SPIDR: variants seen among roughly 807,000 people sequenced by gnomAD.
SPIDR encodes scaffold protein involved in DNA repair.
SPIDR carries 93 observed loss-of-function variants against 104.6 expected under a neutral mutation model. The observed-to-expected ratio is 0.89, with a 90% CI of 0.75 to 1.06. The LOEUF is 1.06. SPIDR is among the 50% of genes least tolerant of loss of function. SPIDR has a pLI of 0.00. For missense variants in SPIDR, 1,154 were observed against 1,111.2 expected, an observed-to-expected ratio of 1.04 and a Z score of -0.55; for synonymous variants, 431 against 416.9, an observed-to-expected ratio of 1.03 and a Z score of -0.41.
intron 5 of SPIDR, among the ~76,000 whole-genome samples, chr8:47,307,279 G>A (rs1161118553): frequency 1.3e-5 from 2 of 150,712 alleles, no homozygotes; most frequent in African/African-American, 2.4e-5. Flanking sequence ...GGAGTGCAGT[G>A]GCATGATCTT....
At chr8:47,595,348 T>C (rs925701555) in intron 8 of SPIDR, among the ~76,000 whole-genome samples, 3 of 152,246 alleles carry the variant, frequency 2.0e-5, no homozygotes, top group Non-Finnish European at 1.5e-5. Context: ...AATACTTAAA[T>C]GTGAGGTATT....
Position 47,595,952 on chromosome 8 carries a change from T to C in SPIDR, c.1239T>C (p.Ser413=). 6.2e-7 allele frequency: 1 copy of C among 1,614,176 alleles called. No homozygotes were observed. The highest frequency in any genetic ancestry group is 1.3e-5 in the African/African-American group (1 of 75,054). ...PDIPLPRRSI[S]LAQMFVIKGL... is the part of the protein sequence containing the mutation. ...TACCCCTTCCAAGAAGAAGCATCTCTTTGGCCCAGATGTTTGTAATTAAGG... is the reference window on the plus strand; with the variant it reads ...TACCCCTTCCAAGAAGAAGCATCTCCTTGGCCCAGATGTTTGTAATTAAGG... The change falls in exon 9 of 20, where the codon TCT becomes TCC. Residue 413 remains serine (S), a synonymous_variant. Transcript: ENST00000297423.
intron 8 of SPIDR, among the ~76,000 whole-genome samples, chr8:47,526,886 T>C (rs1035322547): frequency 6.6e-6 from 1 of 152,104 alleles, no homozygotes; most frequent in African/African-American, 2.4e-5. Context: ...TTGGAGCAAA[T>C]GACAGGCAAA....
chr8:47,476,521 A>G (rs927025099), intron 8 of SPIDR, among the ~76,000 whole-genome samples: 2 of 152,104 alleles, frequency 1.3e-5, no homozygotes, highest in Non-Finnish European at 2.9e-5. Context: ...TGTGAGTCAC[A>G]CAGTTCCCCG....
intron 7 of SPIDR, among the ~76,000 whole-genome samples, chr8:47,417,344 T>C (rs1401760400): frequency 2.0e-5 from 3 of 152,232 alleles, no homozygotes; most frequent in Non-Finnish European, 4.4e-5. Flanking sequence ...TGGTATCTCA[T>C]TGTGGTTTCG....
intron 12 of SPIDR, 75 bp from the exon 13 acceptor site, chr8:47,701,646 A>G (rs1448182904): frequency 2.1e-6 from 3 of 1,424,406 alleles, no homozygotes; most frequent in Non-Finnish European, 2.9e-6. Context: ...ATTAAAGAGG[A>G]GATTTTAATA....
At chr8:47,406,358 T>G (rs1554667282) in intron 6 of SPIDR, among the ~76,000 whole-genome samples, 1 of 152,166 alleles carries the variant, frequency 6.6e-6, no homozygotes, top group East Asian at 1.9e-4. Flanking sequence ...TGCCTCAGTT[T>G]GTCATCTATA....
At chr8:47,427,082 C>A (rs1407196677) in intron 7 of SPIDR, among the ~76,000 whole-genome samples, 1 of 152,038 alleles carries the variant, frequency 6.6e-6, no homozygotes, top group Non-Finnish European at 1.5e-5. Context: ...TATACAATTT[C>A]AAGAGAAACT....
intron 10 of SPIDR, among the ~76,000 whole-genome samples, chr8:47,621,546 G>T (rs1230387781): frequency 6.6e-6 from 1 of 152,200 alleles, no homozygotes; most frequent in Non-Finnish European, 1.5e-5. Context: ...GAAGGAAGGG[G>T]CTCTGCCCTT....
intron 8 of SPIDR, among the ~76,000 whole-genome samples, chr8:47,553,542 C>G (rs938442291): frequency 6.6e-6 from 1 of 152,196 alleles, no homozygotes; most frequent in Non-Finnish European, 1.5e-5. Flanking sequence ...GAATCAGCTT[C>G]TGAAGCTTGT....
At chr8:47,517,617 GTT>G (rs1264114204) in intron 8 of SPIDR, among the ~76,000 whole-genome samples, 2 of 152,074 alleles carry the variant, frequency 1.3e-5, no homozygotes, top group Non-Finnish European at 2.9e-5. Flanking sequence ...CCTGATTGTA[GTT>G]TTCTCAGAAA....
intron 5 of SPIDR, among the ~76,000 whole-genome samples, chr8:47,327,991 C>G (rs2047980068): frequency 6.6e-6 from 1 of 151,878 alleles, no homozygotes; most frequent in Non-Finnish European, 1.5e-5. Flanking sequence ...AGCCACGACC[C>G]CTGGCCGTGT....
At chr8:47,296,665 A>G (rs1475371691) in intron 5 of SPIDR, among the ~76,000 whole-genome samples, 1 of 152,204 alleles carries the variant, frequency 6.6e-6, no homozygotes, top group Non-Finnish European at 1.5e-5. Flanking sequence ...TTAGCTTTGT[A>G]ACAGGTTTTA....
chr8:47,694,878 T>G (rs1013411913), intron 11 of SPIDR, among the ~76,000 whole-genome samples: 1 of 152,128 alleles, frequency 6.6e-6, no homozygotes, highest in African/African-American at 2.4e-5. Flanking sequence ...TGAAAAAGAT[T>G]TAACACATTA....
chr8:47,409,836 C>G (rs1800301310), intron 7 of SPIDR, among the ~76,000 whole-genome samples: 3 of 152,184 alleles, frequency 2.0e-5, no homozygotes, highest in Non-Finnish European at 2.9e-5. Flanking sequence ...CAAGGCCAGC[C>G]TGAGCAATGT....
chr8:47,261,125 G>A, intron 1 of SPIDR, 134 bp downstream of exon 1: 2 of 1,051,124 alleles, frequency 1.9e-6, no homozygotes, highest in Non-Finnish European at 2.4e-6. Flanking sequence ...AGGTGGTGGC[G>A]GGTCCCGTCT....
chr8:47,498,758 G>T (rs11784823), intron 8 of SPIDR, among the ~76,000 whole-genome samples: 73,124 of 151,996 alleles, frequency 0.48, 20,877 homozygotes, highest in East Asian at 0.73. Flanking sequence ...CCAGTCCATA[G>T]TGTATGATAT....
At chr8:47,440,976 T>A (rs1417042906) in intron 8 of SPIDR, among the ~76,000 whole-genome samples, 1 of 152,184 alleles carries the variant, frequency 6.6e-6, no homozygotes, top group Non-Finnish European at 1.5e-5. Flanking sequence ...GCAAAAATGG[T>A]CATTATTGGA....
intron 4 of SPIDR, among the ~76,000 whole-genome samples, chr8:47,292,233 TGTTA>T (rs2040040293): frequency 1.3e-5 from 2 of 152,220 alleles, no homozygotes; most frequent in Admixed American, 6.5e-5. Flanking sequence ...TGACGGTTCA[TGTTA>T]GTTACCTAGG....
Sources: allele counts gnomAD v4.1 joint callset (sites outside exome capture counted in the v4.1 genomes callset), GRCh38; gene constraint gnomAD v4.1.1; transcripts MANE v1.5; gene names NCBI Gene and HGNC (gene_info 2026-07-23, HGNC 2026-07-21).